Variants in DRC3 observed in about 807,000 individuals in gnomAD.
The protein encoded by DRC3 is dynein regulatory complex subunit 3.
Under a neutral mutation model 57.6 loss-of-function variants are expected in DRC3, and 45 were observed. The observed-to-expected ratio is 0.78, with a 90% confidence interval of 0.62 to 1.00. DRC3 has a LOEUF of 1.00. DRC3 is among the 50% of genes least tolerant of loss of function. DRC3 has a pLI of 0.00. For synonymous variants in DRC3, 257 were observed against 272.3 expected (o/e 0.94, Z 0.55); for missense variants, 655 against 675.2 (o/e 0.97, Z 0.33).
At chr17:18,000,354 G>A (rs1031183761) in intron 9 of DRC3, among the ~76,000 whole-genome samples, 2 of 134,648 alleles carry the variant, frequency 1.5e-5, no homozygotes, top group African/African-American at 3.0e-5. Context: ...TTGCTTTCAC[G>A]TGAGTGTGTG....
rs757001083 is a variant in DRC3 at position 18,016,600 on chromosome 17, G to T, written c.1501G>T (p.Glu501Ter). Residue 501 changes from glutamate to a stop codon, truncating the protein, a stop_gained, in exon 14 of 14, where the codon GAG (glutamate) becomes TAG (stop). Coordinates refer to ENST00000399187, the MANE Select transcript of DRC3 (RefSeq NM_031294.4). LOFTEE classifies it high-confidence loss of function. The part of the protein sequence containing the change: ...EIMRNRKRVK[E>*]INQYIDHMQS... ...CATGAGGAACCGCAAGCGCGTGAAG[G>T]AGATCAATCAGTACATCGACCACAT... The T allele has an allele frequency of 6.2e-7, 1 of 1,613,962 alleles. No homozygotes were observed. The highest frequency in any genetic ancestry group is 1.1e-5 in the South Asian group (1 of 91,052).
intron 12 of DRC3, among the ~76,000 whole-genome samples, chr17:18,012,604 C>T (rs868801549): frequency 3.3e-5 from 5 of 152,022 alleles, no homozygotes; most frequent in African/African-American, 4.8e-5. Flanking sequence ...ATGGCTTGAG[C>T]CCAGGAGGTG....
Position 18,006,203 on chromosome 17 carries a change from A to G in DRC3, c.1152A>G (p.Glu384=). The change falls in exon 11 of 14, where the codon GAA becomes GAG. Residue 384 remains glutamate, a synonymous_variant. Coordinates refer to ENST00000399187, the MANE Select transcript of DRC3 (RefSeq NM_031294.4). ...EQLEETINMF[E]RNIVDMVGLF... is the part of the protein sequence containing the mutation. ...TCCAGGAGACTATAAACATGTTTGA[A>G]AGGAACATTGTTGACATGGTAGGAC... The G allele has an allele frequency of 6.2e-7, 1 of 1,612,268 alleles. No homozygotes were observed. Among genetic ancestry groups the G allele is most frequent in the Non-Finnish European group, 8.5e-7 (1 of 1,178,658 alleles).
chr17:17,977,474 C>T, intron 2 of DRC3, 108 bp from the exon 3 acceptor site: 1 of 1,324,326 alleles, frequency 7.6e-7, no homozygotes, highest in Non-Finnish European at 1.1e-6. Flanking sequence ...TGGGGCATTC[C>T]TCAGAGTGCC....
chr17:18,016,822 A>G lies in DRC3; in HGVS notation c.*151A>G. 4.0e-6 allele frequency: 2 copies of G among 505,508 alleles called. No individual in the cohort carries two copies. The highest frequency in any genetic ancestry group is 3.1e-5 in the East Asian group (1 of 32,086). 31.3% of individuals were successfully genotyped at this position (505,508 alleles called of 1,614,324 possible). On this transcript the variant is annotated 3_prime_UTR_variant, in exon 14 of 14. Coordinates refer to ENST00000399187, the MANE Select transcript of DRC3 (RefSeq NM_031294.4). ...CCATTCTTCCCCCACCCCTGGAAAA[A>G]CTTCCAAAAGTAGAGAAAATAAAGG... is the stretch of plus-strand genomic sequence containing the variant.
Position 17,974,381 on chromosome 17 carries a change from T to A in DRC3, c.-18+419T>A, listed in dbSNP as rs528947567. On this transcript the variant is annotated intron_variant, in intron 2 of 13. Transcript: ENST00000399187. ...ATCACATTGCTTCCCTTATTTTTTT[T>A]ATTTTTTGAGATGGAGTTTCGCTCT... 2.0e-5 allele frequency among the ~76,000 whole-genome samples: 3 copies of A among 152,358 alleles called. No individual in the cohort carries two copies. The East Asian group carries it at 5.8e-4, about 29-fold the overall frequency.
intron 12 of DRC3, chr17:18,007,940 T>C (rs1372310195): frequency 7.3e-6 from 6 of 824,494 alleles, no homozygotes; most frequent in Non-Finnish European, 8.8e-6. Context: ...CCGTCCTCCA[T>C]GTGGCAGCCA....
intron 3 of DRC3, chr17:17,981,234 A>C: frequency 3.7e-6 from 1 of 267,096 alleles, no homozygotes; most frequent in Non-Finnish European, 8.3e-6. Flanking sequence ...TCCTCCAGGA[A>C]AAACAGCAGA....
chr17:18,013,035 C>A (rs2044222733), intron 12 of DRC3, among the ~76,000 whole-genome samples: 2 of 152,024 alleles, frequency 1.3e-5, no homozygotes, highest in South Asian at 2.1e-4. Flanking sequence ...AAATGGCCAA[C>A]AAATACATTA....
intron 5 of DRC3, among the ~76,000 whole-genome samples, chr17:17,989,016 A>G (rs2043098842): frequency 6.6e-6 from 1 of 152,182 alleles, no homozygotes; most frequent in Non-Finnish European, 1.5e-5. Context: ...AAGTGGGATC[A>G]TGAATGTAAC....
At chr17:18,007,813 T>C (rs2044036632) in intron 12 of DRC3, 1 of 1,031,408 alleles carries the variant, frequency 9.7e-7, no homozygotes, top group Non-Finnish European at 1.2e-6. Context: ...CTTTAGTGCA[T>C]GCATCATTCA....
Position 18,016,740 on chromosome 17 carries a change from C to T in DRC3, c.*69C>T, listed in dbSNP as rs1026199867. On this transcript the variant is annotated 3_prime_UTR_variant, in exon 14 of 14. Transcript: ENST00000399187. ...CCCAGCCAGGAGAAGGAAGTGCACACGCCTCACCCGCACCTCTAGAGAGTT... is the reference window on the plus strand; with the variant it reads ...CCCAGCCAGGAGAAGGAAGTGCACATGCCTCACCCGCACCTCTAGAGAGTT... 1.5e-5 allele frequency: 14 copies of T among 922,584 alleles called. No individual in the cohort carries two copies. Among genetic ancestry groups the T allele is most frequent in the East Asian group, 2.5e-5 (1 of 39,310 alleles). The allele number at this position is 922,584 out of a possible 1,614,324, so 57.1% of individuals were successfully genotyped here.
chr17:17,991,230 T>G (rs1020241769), intron 5 of DRC3, among the ~76,000 whole-genome samples: 1 of 152,052 alleles, frequency 6.6e-6, no homozygotes, highest in Non-Finnish European at 1.5e-5. Flanking sequence ...TGCTAGATTT[T>G]TTTTTCTATC....
intron 2 of DRC3, 117 bp from the exon 3 acceptor site, chr17:17,977,465 G>A: frequency 8.3e-7 from 1 of 1,207,274 alleles, no homozygotes; most frequent in Non-Finnish European, 1.2e-6. Flanking sequence ...GGCTGGGCGT[G>A]GGGCATTCCT....
At chr17:17,992,977 G>T (rs761151503) in intron 6 of DRC3, 66 bp downstream of exon 6, 281 of 1,576,882 alleles carry the variant, frequency 1.8e-4, no homozygotes, top group Non-Finnish European at 2.2e-4. Context: ...AGGTTTCTTG[G>T]AAAAGGGGCA....
chr17:18,000,620 T>A (rs913916609), intron 9 of DRC3, among the ~76,000 whole-genome samples: 1 of 152,106 alleles, frequency 6.6e-6, no homozygotes, highest in Non-Finnish European at 1.5e-5. Context: ...GTCCTAGAAG[T>A]GGAACTGTGC....
At chr17:17,982,080 C>T (rs2042719765) in intron 3 of DRC3, among the ~76,000 whole-genome samples, 1 of 152,114 alleles carries the variant, frequency 6.6e-6, no homozygotes, top group African/African-American at 2.4e-5. Context: ...GCAACCTCTG[C>T]CTCCTGGGTT....
chr17:17,993,647 C>G (rs1440026126), intron 6 of DRC3: 8 of 153,150 alleles, frequency 5.2e-5, no homozygotes, highest in African/African-American at 1.7e-4. Context: ...TCAGGCCTGG[C>G]TCTCAGGGGC....
intron 9 of DRC3, among the ~76,000 whole-genome samples, chr17:18,002,061 G>T (rs1408777791): frequency 6.6e-6 from 1 of 152,072 alleles, no homozygotes; most frequent in East Asian, 1.9e-4. Context: ...CCAGCTACTT[G>T]GGAAGCTGAG....
Sources: gnomAD v4.1 joint callset for allele counts (sites outside exome capture counted in the v4.1 genomes callset) on GRCh38, gnomAD v4.1.1 for gene constraint, MANE v1.5 for transcripts, NCBI Gene and HGNC (gene_info 2026-07-23, HGNC 2026-07-21) for gene names.